SLC5A4: variants seen among roughly 807,000 people sequenced by gnomAD.
The protein encoded by SLC5A4 is probable glucose sensor protein SLC5A4.
SLC5A4 carries 55 observed loss-of-function variants against 70.3 expected under a neutral mutation model. That is an observed-to-expected ratio of 0.78 (90% CI 0.63 to 0.98). The LOEUF (loss-of-function observed/expected upper bound fraction) is 0.98, where lower values mean the gene tolerates loss of function less well. Ranked by LOEUF, SLC5A4 falls within the 50% of genes least tolerant of loss-of-function variation. The pLI is 0.00. For missense variants in SLC5A4, 735 were observed against 839.2 expected (o/e 0.88, Z 1.53); for synonymous variants, 268 against 305.7 (o/e 0.88, Z 1.29).
At chr22:32,339,200 G>A in the SLC5A4 span, among the ~76,000 whole-genome samples, 10 of 152,332 alleles carry the variant, frequency 6.6e-5, no homozygotes, top group Non-Finnish European at 1.2e-4. Flanking sequence ...TCGTAGCTGC[G>A]TGTGAGTGGG....
At chr22:32,279,232 C>T in the SLC5A4 span, among the ~76,000 whole-genome samples, 1 of 152,218 alleles carries the variant, frequency 6.6e-6, no homozygotes, top group Non-Finnish European at 1.5e-5. Context: ...GCGGAGATTG[C>T]GCCGCTGCAT....
the SLC5A4 span, among the ~76,000 whole-genome samples, chr22:32,285,541 T>C: frequency 1.3e-5 from 2 of 152,100 alleles, no homozygotes; most frequent in Non-Finnish European, 1.5e-5. Flanking sequence ...ATACAAAAAT[T>C]AATTTTTGCA....
the SLC5A4 span, among the ~76,000 whole-genome samples, chr22:32,351,341 G>T: frequency 2.6e-4 from 39 of 152,104 alleles, no homozygotes; most frequent in East Asian, 7.5e-3. Flanking sequence ...AGCTACTCAA[G>T]AATCTAAATA....
chr22:32,305,389 GA>G, the SLC5A4 span, among the ~76,000 whole-genome samples: 3 of 136,166 alleles, frequency 2.2e-5, no homozygotes, highest in African/African-American at 8.5e-5. Context: ...GCTGATCTCT[GA>G]TTGTGTGCCA....
At chr22:32,282,055 C>T in the SLC5A4 span, among the ~76,000 whole-genome samples, 28 of 151,908 alleles carry the variant, frequency 1.8e-4, no homozygotes, top group South Asian at 2.3e-3. Context: ...GTTGTCCAGG[C>T]TGGTCTCAAA....
chr22:32,240,446 T>C (rs1926451064), intron 5 of SLC5A4, among the ~76,000 whole-genome samples: 1 of 149,680 alleles, frequency 6.7e-6, no homozygotes, highest in South Asian at 2.1e-4. Flanking sequence ...TGTATATATA[T>C]ATATGTGTGT....
intron 11 of SLC5A4, among the ~76,000 whole-genome samples, chr22:32,227,712 C>T (rs866610916): frequency 2.6e-5 from 4 of 151,878 alleles, no homozygotes; most frequent in Middle Eastern, 3.2e-3. Flanking sequence ...CTGAGGTGGG[C>T]GGATCACGAG....
intron 2 of SLC5A4, 64 bp downstream of exon 2, chr22:32,254,078 G>T: frequency 3.1e-6 from 4 of 1,287,048 alleles, no homozygotes; most frequent in Non-Finnish European, 3.4e-6. Flanking sequence ...ACCGCACCCA[G>T]CCTACATTCA....
intron 10 of SLC5A4, among the ~76,000 whole-genome samples, chr22:32,229,726 T>C (rs1321749307): frequency 2.6e-5 from 4 of 152,318 alleles, no homozygotes; most frequent in South Asian, 2.1e-4. Flanking sequence ...GACCTACTGT[T>C]TGATAGCACA....
chr22:32,306,531 A>G, the SLC5A4 span, among the ~76,000 whole-genome samples: 9 of 12,976 alleles, frequency 6.9e-4, no homozygotes, highest in East Asian at 3.1e-3. Context: ...TGAAAAACTC[A>G]TTATTGTTAC....
At chr22:32,292,898 T>C in the SLC5A4 span, among the ~76,000 whole-genome samples, 5 of 152,308 alleles carry the variant, frequency 3.3e-5, no homozygotes, top group South Asian at 1.0e-3. Flanking sequence ...AATTGTGATT[T>C]TGTCTACTTC....
chr22:32,219,445 G>A (rs942674028), intron 14 of SLC5A4, among the ~76,000 whole-genome samples: 24 of 151,478 alleles, frequency 1.6e-4, no homozygotes, highest in African/African-American at 5.1e-4. Flanking sequence ...CACAATTAAC[G>A]TAAGATTATA....
the SLC5A4 span, among the ~76,000 whole-genome samples, chr22:32,263,307 G>C: frequency 2.6e-5 from 4 of 152,168 alleles, no homozygotes; most frequent in African/African-American, 9.6e-5. Context: ...CCTCAATACT[G>C]GTTTTATAAA....
intron 5 of SLC5A4, among the ~76,000 whole-genome samples, chr22:32,246,242 C>T (rs1420046088): frequency 2.0e-5 from 3 of 152,188 alleles, no homozygotes; most frequent in Non-Finnish European, 2.9e-5. Flanking sequence ...GCAGTCAGTG[C>T]TGGGCAATGC....
chr22:32,283,868 C>T, the SLC5A4 span, among the ~76,000 whole-genome samples: 1 of 152,094 alleles, frequency 6.6e-6, no homozygotes, highest in Non-Finnish European at 1.5e-5. Flanking sequence ...CCAGCACACC[C>T]CTGAGAATGG....
At chr22:32,246,601 C>T (rs939461607) in intron 5 of SLC5A4, among the ~76,000 whole-genome samples, 1 of 152,114 alleles carries the variant, frequency 6.6e-6, no homozygotes, top group African/African-American at 2.4e-5. Flanking sequence ...GATCTTGGCT[C>T]ACTGCAACCT....
chr22:32,294,553 T>A, the SLC5A4 span, among the ~76,000 whole-genome samples: 2 of 151,210 alleles, frequency 1.3e-5, no homozygotes, highest in African/African-American at 4.9e-5. Context: ...CACACCCACT[T>A]TCCTCCTGCC....
At chr22:32,228,320 C>T (rs1603226357) in intron 11 of SLC5A4, among the ~76,000 whole-genome samples, 1 of 139,794 alleles carries the variant, frequency 7.2e-6, no homozygotes, top group Non-Finnish European at 1.5e-5. Context: ...GAGAATGGAT[C>T]ACCCAAGGTC....
At chr22:32,306,721 G>A in the SLC5A4 span, among the ~76,000 whole-genome samples, 1 of 152,154 alleles carries the variant, frequency 6.6e-6, no homozygotes, top group Non-Finnish European at 1.5e-5. Context: ...TTTTGTGGGA[G>A]GTCTCCTGCC....
Sources: gnomAD v4.1 joint callset for allele counts (sites outside exome capture counted in the v4.1 genomes callset) on GRCh38, gnomAD v4.1.1 for gene constraint, MANE v1.5 for transcripts, NCBI Gene and HGNC (gene_info 2026-07-23, HGNC 2026-07-21) for gene names.